Variants in DHTKD1 observed in about 807,000 individuals in gnomAD.
The protein encoded by DHTKD1 is 2-oxoadipate dehydrogenase complex component E1.
DHTKD1 carries 78 observed loss-of-function variants against 101.8 expected under a neutral mutation model. The observed-to-expected ratio is 0.77, with a 90% CI of 0.64 to 0.93. The LOEUF is 0.93. Ranked by LOEUF, DHTKD1 falls within the 40% of genes least tolerant of loss-of-function variation. The pLI is 0.00. For synonymous variants in DHTKD1, 462 were observed against 450.3 expected (o/e 1.03, Z -0.33); for missense variants, 1,223 against 1,161.7 (o/e 1.05, Z -0.77).
At chr10:12,069,292 G>C in intron 1 of DHTKD1, 105 bp downstream of exon 1, 2 of 465,064 alleles carry the variant, frequency 4.3e-6, no homozygotes, top group Non-Finnish European at 7.0e-6. Flanking sequence ...CTGCCGGCCT[G>C]AACGCGCGGC....
intron 1 of DHTKD1, among the ~76,000 whole-genome samples, chr10:12,077,964 C>G (rs2131349317): frequency 6.6e-6 from 1 of 152,022 alleles, no homozygotes; most frequent in South Asian, 2.1e-4. Context: ...CATGTGTTGC[C>G]AGGGTGAATG....
intron 1 of DHTKD1, among the ~76,000 whole-genome samples, chr10:12,080,387 A>G (rs1468510254): frequency 5.3e-5 from 8 of 152,160 alleles, no homozygotes; most frequent in Non-Finnish European, 1.2e-4. Context: ...ATTCCACAGC[A>G]ACACTTGTTC....
chr10:12,082,747 G>A (rs1832841338), intron 2 of DHTKD1, among the ~76,000 whole-genome samples: 1 of 151,974 alleles, frequency 6.6e-6, no homozygotes. Context: ...TAATGGCTCA[G>A]TTGGAATATA....
Position 12,120,249 on chromosome 10 carries a change from A to G in DHTKD1, c.2640A>G (p.Glu880=). 6.2e-7 allele frequency: 1 copy of G among 1,613,962 alleles called. No individual in the cohort carries two copies. Among genetic ancestry groups the G allele is most frequent in the Non-Finnish European group, 8.5e-7 (1 of 1,179,888 alleles). The change falls in exon 16 of 17, where the codon GAA becomes GAG. Residue 880 remains glutamate, a synonymous_variant. Transcript: ENST00000263035. The part of the protein sequence containing the change: ...GPWSFVSPRF[E]KQLACKLRLV... ...GGTCGTTTGTTTCTCCAAGGTTTGA[A>G]AAGCAGCTGGCCTGCAAGGTAATCA...
intron 2 of DHTKD1, among the ~76,000 whole-genome samples, chr10:12,082,972 T>TA (rs1014000931): frequency 5.9e-5 from 9 of 151,330 alleles, no homozygotes; most frequent in African/African-American, 1.2e-4. Flanking sequence ...CCGTCTCTAC[T>TA]AAAAAAAATA....
intron 7 of DHTKD1, among the ~76,000 whole-genome samples, 155 bp from the exon 8 acceptor site, chr10:12,097,529 C>T (rs928978316): frequency 1.3e-5 from 2 of 152,168 alleles, no homozygotes; most frequent in African/African-American, 4.8e-5. Context: ...CCACTTTGGC[C>T]TCCCAAAATG....
chr10:12,090,923 G>T (rs1031225089), intron 5 of DHTKD1, among the ~76,000 whole-genome samples: 1 of 151,938 alleles, frequency 6.6e-6, no homozygotes, highest in Admixed American at 6.6e-5. Flanking sequence ...TTGTGGTGGC[G>T]GGCGCCTGTA....
At chr10:12,076,982 A>G (rs1832742237) in intron 1 of DHTKD1, among the ~76,000 whole-genome samples, 1 of 146,416 alleles carries the variant, frequency 6.8e-6, no homozygotes, top group Non-Finnish European at 1.5e-5. Flanking sequence ...TGATAAAAAA[A>G]AAAAAAAAAA....
At chr10:12,117,417 C>G (rs1172930565) in intron 13 of DHTKD1, among the ~76,000 whole-genome samples, 2 of 151,420 alleles carry the variant, frequency 1.3e-5, no homozygotes, top group Non-Finnish European at 2.9e-5. Context: ...GAACTGGCCT[C>G]CAGCGATCCT....
At chr10:12,116,359 A>G (rs995869953) in intron 13 of DHTKD1, 4 of 151,814 alleles carry the variant, frequency 2.6e-5, no homozygotes. Flanking sequence ...ATTTTAGTAT[A>G]TGTGCTGCCA....
At chr10:12,070,954 C>T (rs1475289196) in intron 1 of DHTKD1, among the ~76,000 whole-genome samples, 6 of 152,328 alleles carry the variant, frequency 3.9e-5, no homozygotes, top group Non-Finnish European at 7.3e-5. Context: ...TAGTCTGCCT[C>T]AGTCCTGTCC....
intron 3 of DHTKD1, among the ~76,000 whole-genome samples, chr10:12,085,408 C>G (rs565393525): frequency 1.3e-5 from 2 of 152,330 alleles, no homozygotes; most frequent in African/African-American, 4.8e-5. Context: ...ATATAACACA[C>G]ACCATTTTAT....
chr10:12,114,715 G>T (rs1310392190), intron 13 of DHTKD1, among the ~76,000 whole-genome samples: 1 of 152,222 alleles, frequency 6.6e-6, no homozygotes, highest in African/African-American at 2.4e-5. Context: ...GTGTATATTT[G>T]GAATTGAGGG....
chr10:12,118,618 G>C (rs998233193), intron 14 of DHTKD1, 131 bp from the exon 15 acceptor site: 3 of 510,856 alleles, frequency 5.9e-6, no homozygotes, highest in African/African-American at 1.9e-5. Context: ...TCCTGACCTC[G>C]TGATCCGCCC....
rs1832952782 is a variant in DHTKD1 at position 12,089,263 on chromosome 10, G to T, written c.987+8G>T. On this transcript the variant is annotated splice_region_variant and intron_variant, in intron 5 of 16. Coordinates refer to ENST00000263035, the MANE Select transcript of DHTKD1 (RefSeq NM_018706.7). Reference sequence around the variant, plus strand: ...AGGGTCATTTGCTTACAGGTACTTGGAGCTTCTGAAATTGAGGCCAGAGGT... The same window carrying T: ...AGGGTCATTTGCTTACAGGTACTTGTAGCTTCTGAAATTGAGGCCAGAGGT... The T allele has an allele frequency of 6.2e-7, 1 of 1,610,992 alleles. No homozygotes were observed. Among genetic ancestry groups the T allele is most frequent in the Non-Finnish European group, 8.5e-7 (1 of 1,177,994 alleles).
Position 12,069,001 on chromosome 10 carries a change from G to C in DHTKD1, c.-33G>C, listed in dbSNP as rs752960963. 1 of 1,611,548 alleles carries C rather than the reference G, an allele frequency of 6.2e-7. No individual in the cohort carries two copies. The highest frequency in any genetic ancestry group is 1.1e-5 in the South Asian group (1 of 90,876). ...GCCGGTGGGATCCCCTCGGGCTCCC[G>C]CCTTAGCATGCTGGCCGGGACATCT... On this transcript the variant is annotated 5_prime_UTR_variant, in exon 1 of 17. Transcript: ENST00000263035.
chr10:12,110,165 G>A lies in DHTKD1; in HGVS notation c.2154+2150G>A, dbSNP rs1833307195. Among the ~76,000 whole-genome samples, 1 of 152,160 alleles carries A rather than the reference G, an allele frequency of 6.6e-6. No homozygotes were observed. Among genetic ancestry groups the A allele is most frequent in the African/African-American group, 2.4e-5 (1 of 41,444 alleles). ...TACAAAAAATTAGCCGGGCACGGTG[G>A]CAGGCACCTGTAGTCCCAGCTACTT... is the stretch of plus-strand genomic sequence containing the variant. On this transcript the variant is annotated intron_variant, in intron 12 of 16. Coordinates refer to ENST00000263035, the MANE Select transcript of DHTKD1 (RefSeq NM_018706.7). The surrounding 1 kb of genome is among the most constrained non-coding windows in gnomAD (Gnocchi z 4.9).
intron 2 of DHTKD1, 71 bp from the exon 3 acceptor site, chr10:12,084,469 A>G (rs1379190666): frequency 2.9e-6 from 3 of 1,033,406 alleles, no homozygotes; most frequent in African/African-American, 3.2e-5. Flanking sequence ...AATACAGTAT[A>G]TAATAATCTC....
At chr10:12,116,821 TC>T (rs779360399) in intron 13 of DHTKD1, among the ~76,000 whole-genome samples, 11 of 151,858 alleles carry the variant, frequency 7.2e-5, no homozygotes, top group Non-Finnish European at 1.5e-4. Flanking sequence ...CACCTCATCC[TC>T]CTGAGTAGCT....
Sources: gnomAD v4.1 joint callset for allele counts (sites outside exome capture counted in the v4.1 genomes callset) on GRCh38, gnomAD v4.1.1 for gene constraint, Gnocchi (gnomAD v3.1) non-coding constraint, MANE v1.5 for transcripts, NCBI Gene and HGNC (gene_info 2026-07-23, HGNC 2026-07-21) for gene names.